Variants in L3MBTL4 observed in about 807,000 individuals in gnomAD.
L3MBTL4 encodes the protein lethal(3)malignant brain tumor-like protein 4.
A neutral mutation model predicts 84.5 loss-of-function variants in L3MBTL4; 70 were observed. The ratio of observed to expected loss-of-function variants is 0.83; its 90% confidence interval spans 0.68 to 1.01. L3MBTL4 has a LOEUF of 1.01. Among genes scored for constraint, L3MBTL4 ranks in the 50% least tolerant of loss-of-function variants. The pLI is 0.00. For missense variants in L3MBTL4, 715 were observed against 754.8 expected (o/e 0.95, Z 0.62); for synonymous variants, 274 against 259.8 (o/e 1.05, Z -0.52).
intron 1 of L3MBTL4, among the ~76,000 whole-genome samples, chr18:6,358,025 G>C (rs1319767879): frequency 6.6e-6 from 1 of 152,196 alleles, no homozygotes; most frequent in African/African-American, 2.4e-5. Flanking sequence ...ATCACGAAAA[G>C]TGTCTGTCTC....
chr18:6,170,347 T>C (rs1555678088), intron 13 of L3MBTL4, among the ~76,000 whole-genome samples: 2 of 152,140 alleles, frequency 1.3e-5, no homozygotes, highest in Admixed American at 6.6e-5. Flanking sequence ...ATTGAGAAGA[T>C]GCACTGGGGG....
intron 14 of L3MBTL4, among the ~76,000 whole-genome samples, chr18:6,118,658 C>A (rs2059431993): frequency 6.6e-6 from 1 of 152,152 alleles, no homozygotes; most frequent in South Asian, 2.1e-4. Flanking sequence ...AATGCAAACT[C>A]TTTTACTTTT....
intron 1 of L3MBTL4, among the ~76,000 whole-genome samples, chr18:6,406,273 T>G (rs1007423329): frequency 2.6e-5 from 4 of 152,222 alleles, no homozygotes; most frequent in Admixed American, 2.0e-4. Context: ...TATTGATAAT[T>G]TTATGTCTTC....
intron 16 of L3MBTL4, among the ~76,000 whole-genome samples, chr18:6,004,932 T>G (rs150010505): frequency 3.2e-4 from 47 of 145,664 alleles, no homozygotes; most frequent in Non-Finnish European, 6.6e-4. Flanking sequence ...GTGATGCTGG[T>G]CTCACAACAA....
At chr18:6,348,873 G>A (rs146655698) in intron 1 of L3MBTL4, among the ~76,000 whole-genome samples, 4 of 152,262 alleles carry the variant, frequency 2.6e-5, no homozygotes, top group African/African-American at 7.2e-5. Flanking sequence ...CAAATAACCC[G>A]TAGAGAAATG....
At chr18:6,365,670 C>G (rs1378706658) in intron 1 of L3MBTL4, among the ~76,000 whole-genome samples, 1 of 152,260 alleles carries the variant, frequency 6.6e-6, no homozygotes, top group African/African-American at 2.4e-5. Flanking sequence ...AGAACAAAAT[C>G]CAGGCTACTA....
intron 1 of L3MBTL4, among the ~76,000 whole-genome samples, chr18:6,319,828 A>G (rs1428256669): frequency 6.6e-6 from 1 of 151,884 alleles, no homozygotes; most frequent in South Asian, 2.1e-4. Context: ...ATCAAAAAAT[A>G]AATAAATAAA....
In L3MBTL4 at chr18:5,956,054, C is replaced by T; in HGVS notation, c.*166G>A. 1 of 643,408 alleles carries T rather than the reference C, an allele frequency of 1.6e-6. No homozygotes were observed. The highest frequency in any genetic ancestry group is 2.0e-5 in the South Asian group (1 of 50,778). The allele number at this position is 643,408 out of a possible 1,614,324, so 39.9% of individuals were successfully genotyped here. A position where few individuals can be genotyped will look rare whatever the true frequency, so the allele number is the denominator to read the frequency against. On this transcript the variant is annotated 3_prime_UTR_variant, in exon 19 of 19. Transcript: ENST00000317931. Reference sequence around the variant, plus strand: ...AAGCCTCTGAGTCATTGGCACTGGACCAGTCATCAAAATCCTCTAAACATG... The same window carrying T: ...AAGCCTCTGAGTCATTGGCACTGGATCAGTCATCAAAATCCTCTAAACATG...
chr18:5,966,817 AC>A (rs966653752), intron 17 of L3MBTL4, among the ~76,000 whole-genome samples: 4 of 152,058 alleles, frequency 2.6e-5, no homozygotes, highest in African/African-American at 9.7e-5. Context: ...ACATATTATT[AC>A]CCCAATTAAG....
intron 4 of L3MBTL4, 61 bp from the exon 5 acceptor site, chr18:6,264,099 T>G (rs1001174858): frequency 1.6e-6 from 2 of 1,249,204 alleles, no homozygotes; most frequent in African/African-American, 3.0e-5. Flanking sequence ...ATAATAAAAC[T>G]TACTTGACAA....
At chr18:6,339,418 T>C (rs1324259220) in intron 1 of L3MBTL4, among the ~76,000 whole-genome samples, 1 of 152,070 alleles carries the variant, frequency 6.6e-6, no homozygotes, top group Non-Finnish European at 1.5e-5. Context: ...TAAATCACAA[T>C]AGAAATGTGA....
chr18:6,209,445 CAAA>C (rs60613997), intron 12 of L3MBTL4, among the ~76,000 whole-genome samples: 6 of 113,978 alleles, frequency 5.3e-5, no homozygotes, highest in Admixed American at 8.6e-5. Context: ...ACTAAACTGG[CAAA>C]AAAAAAAAAA....
At chr18:6,177,837 G>A (rs1480399174) in intron 12 of L3MBTL4, among the ~76,000 whole-genome samples, 1 of 152,154 alleles carries the variant, frequency 6.6e-6, no homozygotes, top group East Asian at 1.9e-4. Flanking sequence ...TTACCAATAG[G>A]AAGAAGTTTG....
intron 12 of L3MBTL4, among the ~76,000 whole-genome samples, chr18:6,190,620 G>T (rs1018871708): frequency 1.3e-5 from 2 of 152,142 alleles, no homozygotes; most frequent in Non-Finnish European, 2.9e-5. Flanking sequence ...AGGCACCAGG[G>T]ATATATCAGT....
intron 13 of L3MBTL4, among the ~76,000 whole-genome samples, chr18:6,164,972 G>A (rs2043568121): frequency 6.6e-6 from 1 of 152,102 alleles, no homozygotes; most frequent in South Asian, 2.1e-4. Flanking sequence ...TAATCAACGT[G>A]GAGAAGTCCT....
chr18:6,360,518 A>T (rs1351354774), intron 1 of L3MBTL4, among the ~76,000 whole-genome samples: 1 of 152,216 alleles, frequency 6.6e-6, no homozygotes, highest in Admixed American at 6.5e-5. Flanking sequence ...CAGAAAGGAG[A>T]TTTATCACTT....
intron 16 of L3MBTL4, among the ~76,000 whole-genome samples, chr18:6,042,981 A>G (rs1170853974): frequency 6.6e-6 from 1 of 151,940 alleles, no homozygotes; most frequent in Non-Finnish European, 1.5e-5. Context: ...CCAAATCCCA[A>G]ACCTAATCCT....
intron 4 of L3MBTL4, among the ~76,000 whole-genome samples, chr18:6,275,199 C>T (rs1277601861): frequency 1.3e-5 from 2 of 151,954 alleles, no homozygotes; most frequent in African/African-American, 4.8e-5. Context: ...GAGGAGGAGC[C>T]TAGTGACCTG....
chr18:6,119,348 C>T (rs190084011), intron 14 of L3MBTL4, among the ~76,000 whole-genome samples: 1 of 152,294 alleles, frequency 6.6e-6, no homozygotes. Flanking sequence ...CACCTAAATG[C>T]TAGGCACAGT....
Sources: allele counts gnomAD v4.1 joint callset (sites outside exome capture counted in the v4.1 genomes callset), GRCh38; gene constraint gnomAD v4.1.1; transcripts MANE v1.5; gene names NCBI Gene and HGNC (gene_info 2026-07-23, HGNC 2026-07-21).